NLGN1: variants seen among roughly 807,000 people sequenced by gnomAD.
The protein encoded by NLGN1 is neuroligin 1.
A neutral mutation model predicts 65.5 loss-of-function variants in NLGN1; 12 were observed. That is an observed-to-expected ratio of 0.18 (90% confidence interval 0.12 to 0.30). The LOEUF (loss-of-function observed/expected upper bound fraction) is 0.30, where lower values mean the gene tolerates loss of function less well. Among genes scored for constraint, NLGN1 ranks in the 10% least tolerant of loss-of-function variants. NLGN1 has a pLI of 1.00. For synonymous variants in NLGN1, 350 were observed against 359.5 expected (o/e 0.97, Z 0.30); for missense variants, 750 against 1,007.1 (o/e 0.74, Z 3.46).
At chr3:174,212,812 G>A (rs1245434586) in intron 4 of NLGN1, among the ~76,000 whole-genome samples, 1 of 152,176 alleles carries the variant, frequency 6.6e-6, no homozygotes, top group Non-Finnish European at 1.5e-5. Flanking sequence ...TTCCTGAAGG[G>A]GAATCCATTT....
At chr3:173,940,252 C>T (rs970504361) in intron 4 of NLGN1, among the ~76,000 whole-genome samples, 1 of 151,838 alleles carries the variant, frequency 6.6e-6, no homozygotes, top group Non-Finnish European at 1.5e-5. Context: ...CCACGCCCAG[C>T]TAATTTTTGT....
intron 4 of NLGN1, among the ~76,000 whole-genome samples, chr3:174,067,951 A>G (rs1054503247): frequency 7.2e-5 from 11 of 152,168 alleles, no homozygotes; most frequent in African/African-American, 1.9e-4. Flanking sequence ...TTAAAGTAAT[A>G]TAGGATCTCC....
At chr3:174,077,000 A>G (rs1741151128) in intron 4 of NLGN1, among the ~76,000 whole-genome samples, 1 of 152,176 alleles carries the variant, frequency 6.6e-6, no homozygotes, top group African/African-American at 2.4e-5. Flanking sequence ...CAGCTTGTGA[A>G]CAATTAACAT....
At chr3:173,682,101 T>C (rs1215855914) in intron 3 of NLGN1, among the ~76,000 whole-genome samples, 2 of 152,190 alleles carry the variant, frequency 1.3e-5, no homozygotes, top group Non-Finnish European at 2.9e-5. Context: ...TACTCCCTTG[T>C]CTTTTTTCTC....
At chr3:173,864,847 A>G (rs1729814025) in intron 4 of NLGN1, among the ~76,000 whole-genome samples, 1 of 152,162 alleles carries the variant, frequency 6.6e-6, no homozygotes, top group South Asian at 2.1e-4. Flanking sequence ...TTGTAGAGGT[A>G]CTCTGGGAAT....
intron 4 of NLGN1, among the ~76,000 whole-genome samples, chr3:174,222,558 GA>G (rs2152807065): frequency 1.3e-5 from 2 of 152,200 alleles, no homozygotes; most frequent in South Asian, 4.1e-4. Flanking sequence ...ATGGTTCTCT[GA>G]GCTAATCATT....
chr3:173,568,931 G>A (rs1383367154), intron 2 of NLGN1, among the ~76,000 whole-genome samples: 1 of 152,080 alleles, frequency 6.6e-6, no homozygotes, highest in Non-Finnish European at 1.5e-5. Context: ...ACCGGGCTCG[G>A]CCTCCCAAAG....
intron 2 of NLGN1, among the ~76,000 whole-genome samples, chr3:173,587,273 A>G (rs1747637373): frequency 2.0e-5 from 3 of 152,200 alleles, no homozygotes; most frequent in Non-Finnish European, 4.4e-5. Flanking sequence ...AAAAGGGAGA[A>G]AGTGACCTTC....
In NLGN1 at chr3:173,605,521, A is replaced by C; in HGVS notation, c.493+430A>C. 1 of 1,275,982 alleles carries C rather than the reference A, an allele frequency of 7.8e-7. No homozygotes were observed. Among genetic ancestry groups the C allele is most frequent in the Non-Finnish European group, 1.0e-6 (1 of 976,248 alleles). The allele number at this position is 1,275,982 out of a possible 1,614,324, so 79.0% of individuals were successfully genotyped here. On this transcript the variant is annotated intron_variant, in intron 3 of 6. Coordinates refer to ENST00000457714, the Ensembl canonical transcript of NLGN1. ...GCGCCATGTTATTTTCTAGTCTTCT[A>C]TTCATTTTTCAGTAAAAAGAATATC...
At chr3:174,276,537 G>T (rs73882745) in intron 5 of NLGN1, among the ~76,000 whole-genome samples, 7,460 of 151,898 alleles carry the variant, frequency 0.049, 263 homozygotes, top group Middle Eastern at 0.11. Flanking sequence ...TATAATTCAT[G>T]AAGTGTTTTA....
chr3:173,499,009 G>T (rs1730529267), intron 2 of NLGN1, among the ~76,000 whole-genome samples: 1 of 151,140 alleles, frequency 6.6e-6, no homozygotes, highest in Non-Finnish European at 1.5e-5. Flanking sequence ...TAGGTTGCCT[G>T]TTCACTCTGA....
chr3:174,076,493 G>C (rs2152541594), intron 4 of NLGN1, among the ~76,000 whole-genome samples: 1 of 152,200 alleles, frequency 6.6e-6, no homozygotes, highest in Admixed American at 6.6e-5. Context: ...CGTCTGAAGA[G>C]GCCCAGACAG....
intron 4 of NLGN1, among the ~76,000 whole-genome samples, chr3:173,825,527 C>A (rs958259288): frequency 1.3e-5 from 2 of 151,928 alleles, no homozygotes; most frequent in African/African-American, 2.4e-5. Flanking sequence ...ATTTTTCCCA[C>A]AGTATATAAT....
intron 3 of NLGN1, among the ~76,000 whole-genome samples, chr3:173,613,000 A>G (rs1323159875): frequency 1.3e-5 from 2 of 152,118 alleles, no homozygotes; most frequent in East Asian, 1.9e-4. Flanking sequence ...GGCACAACCT[A>G]ATGACCTCAA....
chr3:173,566,943 A>G (rs1743783544), intron 2 of NLGN1, among the ~76,000 whole-genome samples: 1 of 152,148 alleles, frequency 6.6e-6, no homozygotes, highest in African/African-American at 2.4e-5. Flanking sequence ...TCAGTGTATA[A>G]TGAAGTATTC....
intron 2 of NLGN1, among the ~76,000 whole-genome samples, chr3:173,459,469 T>TA (rs1553856374): frequency 6.6e-6 from 1 of 152,154 alleles, no homozygotes; most frequent in Non-Finnish European, 1.5e-5. Flanking sequence ...TTTCTTTGCT[T>TA]AATCAGAGGC....
chr3:173,893,433 A>C (rs1396687666), intron 4 of NLGN1, among the ~76,000 whole-genome samples: 1 of 152,178 alleles, frequency 6.6e-6, no homozygotes, highest in East Asian at 1.9e-4. Context: ...TACCTTTCTC[A>C]TAGCACTATT....
At chr3:174,110,044 A>G (rs150062568) in intron 4 of NLGN1, among the ~76,000 whole-genome samples, 1 of 151,858 alleles carries the variant, frequency 6.6e-6, no homozygotes, top group African/African-American at 2.4e-5. Flanking sequence ...CTTTATTTTC[A>G]TTATTTTTTG....
intron 4 of NLGN1, among the ~76,000 whole-genome samples, chr3:174,126,659 A>G (rs561624445): frequency 6.6e-6 from 1 of 152,216 alleles, no homozygotes; most frequent in South Asian, 2.1e-4. Flanking sequence ...AGAAGAGAAT[A>G]TAAAATAAGA....
Sources: gnomAD v4.1 joint callset for allele counts (sites outside exome capture counted in the v4.1 genomes callset) on GRCh38, gnomAD v4.1.1 for gene constraint, MANE v1.5 for transcripts, NCBI Gene and HGNC (gene_info 2026-07-23, HGNC 2026-07-21) for gene names.